The following C1QTNF1 variants were observed in gnomAD, a reference collection of about 807,000 sequenced individuals.
The protein encoded by C1QTNF1 is complement C1q tumor necrosis factor-related protein 1.
In C1QTNF1, 22 loss-of-function variants were observed where a neutral mutation model predicts 27.8. That is an observed-to-expected ratio of 0.79 (90% CI 0.56 to 1.13). C1QTNF1 has a LOEUF of 1.13. Ranked by LOEUF, C1QTNF1 falls within the 50% of genes most tolerant of loss-of-function variation. The pLI, the probability that C1QTNF1 is intolerant of heterozygous loss-of-function variation, is 0.00. For synonymous variants in C1QTNF1, 166 were observed against 154.3 expected, an observed-to-expected ratio of 1.08 and a Z score of -0.56; for missense variants, 373 against 380.2, an observed-to-expected ratio of 0.98 and a Z score of 0.16.
Position 79,046,679 on chromosome 17 carries a change from A to G in C1QTNF1, c.280A>G (p.Ile94Val), listed in dbSNP as rs1406215029. 6.2e-7 allele frequency: 1 copy of G among 1,614,188 alleles called. No individual in the cohort carries two copies. The highest frequency in any genetic ancestry group is 1.7e-5 in the Admixed American group (1 of 60,026). Residue 94 changes from isoleucine to valine, a missense_variant, in exon 3 of 4, where the codon ATC becomes GTC. Coordinates refer to ENST00000579760, the MANE Select transcript of C1QTNF1 (RefSeq NM_030968.5). This position sits in a 1 kb window ranked among gnomAD's most constrained non-coding sequence, Gnocchi z 4.8. ...YPATAVPQINITILKGEKGDR... is the reference protein window; with the variant it reads ...YPATAVPQINVTILKGEKGDR... ...GGCGACCGCCGTGCCCCAGATCAAC[A>G]TCACTATCTTGAAAGGTCAGATGGC...
chr17:79,047,238 C>CTTTTTTTTTTTTT (rs372840829), intron 3 of C1QTNF1: 1 of 261,836 alleles, frequency 3.8e-6, no homozygotes, highest in African/African-American at 2.5e-5. Flanking sequence ...TTTTTCTTTT[C>CTTTTTTTTTTTTT]TTTTTTTTTT....
Position 79,047,984 on chromosome 17 carries a change from G to A in C1QTNF1, c.742G>A (p.Val248Ile), listed in dbSNP as rs1419750691. 1.2e-6 allele frequency: 2 copies of A among 1,613,324 alleles called. No individual in the cohort carries two copies. The highest frequency in any genetic ancestry group is 1.1e-5 in the South Asian group (1 of 91,050). ...GCTGCGAGAGCAGGACCAGGTGTGG[G>A]TACGCCTCTACAAGGGCGAACGTGA... ...LELREQDQVWVRLYKGERENA... is the reference protein window; with the variant it reads ...LELREQDQVWIRLYKGERENA... The change falls in exon 4 of 4, where the codon GTA becomes ATA. Residue 248 changes from valine (V) to isoleucine (I), a missense_variant. By Grantham distance (29) the Val-to-Ile change is conservative. Coordinates refer to ENST00000579760, the MANE Select transcript of C1QTNF1 (RefSeq NM_030968.5).
At chr17:79,028,930 T>A (rs1417010456) in intron 1 of C1QTNF1, among the ~76,000 whole-genome samples, 1 of 151,750 alleles carries the variant, frequency 6.6e-6, no homozygotes, top group Non-Finnish European at 1.5e-5. Flanking sequence ...GCGCGGGTGT[T>A]CCTGGTGATC....
chr17:79,026,864 G>A (rs1207685856), intron 1 of C1QTNF1, among the ~76,000 whole-genome samples: 1 of 152,216 alleles, frequency 6.6e-6, no homozygotes, highest in African/African-American at 2.4e-5. Flanking sequence ...CCTTTTCAGG[G>A]CAACCAGGAC....
chr17:79,030,888 A>G (rs900367994), intron 1 of C1QTNF1, among the ~76,000 whole-genome samples: 3 of 151,968 alleles, frequency 2.0e-5, no homozygotes, highest in South Asian at 2.1e-4. Context: ...GGCGTGAGCT[A>G]CTGTGCCCGG....
chr17:79,027,173 C>T (rs2071991547), intron 1 of C1QTNF1, among the ~76,000 whole-genome samples: 1 of 152,064 alleles, frequency 6.6e-6, no homozygotes, highest in South Asian at 2.1e-4. Flanking sequence ...CAGGTTACAC[C>T]ATCCCCTGGA....
At chr17:79,042,047 G>A (rs1353848883) in intron 1 of C1QTNF1, among the ~76,000 whole-genome samples, 4 of 152,218 alleles carry the variant, frequency 2.6e-5, no homozygotes, top group Non-Finnish European at 5.9e-5. Context: ...AGTCCACGCC[G>A]GCCTGGCAGC....
At chr17:79,033,372 T>C (rs1453399514) in intron 1 of C1QTNF1, among the ~76,000 whole-genome samples, 2 of 151,986 alleles carry the variant, frequency 1.3e-5, no homozygotes, top group African/African-American at 2.4e-5. Flanking sequence ...GGTGGGGACA[T>C]GGAATGGGGC....
At chr17:79,034,837 A>C (rs2072227789) in intron 1 of C1QTNF1, among the ~76,000 whole-genome samples, 1 of 152,164 alleles carries the variant, frequency 6.6e-6, no homozygotes, top group Non-Finnish European at 1.5e-5. Flanking sequence ...GAGAGGAGAT[A>C]GGCTCCAGGA....
At chr17:79,036,449 A>G (rs1242034522) in intron 1 of C1QTNF1, among the ~76,000 whole-genome samples, 3 of 152,234 alleles carry the variant, frequency 2.0e-5, no homozygotes, top group Non-Finnish European at 4.4e-5. Flanking sequence ...TGCTGAGATT[A>G]CAGACATGAA....
At chr17:79,047,165 G>A (rs192314820) in intron 3 of C1QTNF1, 5 of 259,340 alleles carry the variant, frequency 1.9e-5, no homozygotes, top group African/African-American at 4.4e-5. Flanking sequence ...TGCTCAGAGC[G>A]AGCCGTCGGT....
At chr17:79,047,253 T>A (rs1426288444) in intron 3 of C1QTNF1, 99 of 363,678 alleles carry the variant, frequency 2.7e-4, no homozygotes, top group African/African-American at 3.8e-4. Context: ...TTTTTTTTTT[T>A]ACCAGGGCTT....
chr17:79,044,129 G>A lies in C1QTNF1; in HGVS notation c.155+6G>A. The A allele has an allele frequency of 6.3e-7, 1 of 1,597,870 alleles. No individual in the cohort carries two copies. The highest frequency in any genetic ancestry group is 8.5e-7 in the Non-Finnish European group (1 of 1,170,950). On this transcript the variant is annotated splice_donor_region_variant and intron_variant, in intron 2 of 3. Coordinates refer to ENST00000579760, the MANE Select transcript of C1QTNF1 (RefSeq NM_030968.5). ...CCTCCGGACCATGCCGAGAGGTGAG[G>A]GGCCACGAGGGTGTAATAGCAGGAG...
intron 1 of C1QTNF1, among the ~76,000 whole-genome samples, chr17:79,040,895 A>C (rs947198486): frequency 5.7e-5 from 8 of 139,380 alleles, no homozygotes; most frequent in Admixed American, 1.4e-4. Flanking sequence ...AGATCCTGTC[A>C]AAAAAAAAAA....
At chr17:79,023,702 G>GCA (rs1437331174), upstream of C1QTNF1, among the ~76,000 whole-genome samples, 3 of 80,838 alleles carry the variant, frequency 3.7e-5, no homozygotes, top group Admixed American at 1.3e-4. Context: ...ATGCGCGCGC[G>GCA]CGCACACACA....
At chr17:79,040,694 G>A (rs1241462904) in intron 1 of C1QTNF1, among the ~76,000 whole-genome samples, 1 of 130,248 alleles carries the variant, frequency 7.7e-6, no homozygotes, top group Non-Finnish European at 1.5e-5. Context: ...GGGAGTTTGA[G>A]ACCAGCCTGG....
chr17:79,048,341 C>G lies in C1QTNF1; in HGVS notation c.*253C>G. On this transcript the variant is annotated 3_prime_UTR_variant, in exon 4 of 4. Transcript: ENST00000579760. Reference sequence around the variant, plus strand: ...GACCTTCCGCGGCCCTCTCTGCACACATCCTCAAGTGACCCCGCACGGCGA... The same window carrying G: ...GACCTTCCGCGGCCCTCTCTGCACAGATCCTCAAGTGACCCCGCACGGCGA... 1 of 435,586 alleles carries G rather than the reference C, an allele frequency of 2.3e-6. No homozygotes were observed. The allele number at this position is 435,586 out of a possible 1,614,324, so 27.0% of individuals were successfully genotyped here.
Position 79,042,452 on chromosome 17 carries a change from G to C in C1QTNF1, c.-14-1503G>C, listed in dbSNP as rs73408642. 5.0e-3 allele frequency among the ~76,000 whole-genome samples: 762 copies of C among 152,354 alleles called. 4 individuals carry two copies. Among genetic ancestry groups the C allele is most frequent in the African/African-American group, 0.017 (722 of 41,586 alleles). On this transcript the variant is annotated intron_variant, in intron 1 of 3. Transcript: ENST00000579760. The stretch of plus-strand genomic sequence containing the variant: ...TTGCCAAAAGCTCTGGGAGTGAGAC[G>C]TGGGGTTGGCTTCCTGGAAGGATGA...
intron 1 of C1QTNF1, among the ~76,000 whole-genome samples, chr17:79,039,849 G>A (rs114593079): frequency 0.023 from 3,534 of 151,564 alleles, 118 homozygotes; most frequent in African/African-American, 0.081. Context: ...GTAAACATGT[G>A]TATGTGTATA....
Sources: gnomAD v4.1 joint callset for allele counts (sites outside exome capture counted in the v4.1 genomes callset) on GRCh38, gnomAD v4.1.1 for gene constraint, Gnocchi (gnomAD v3.1) non-coding constraint, MANE v1.5 for transcripts, NCBI Gene and HGNC (gene_info 2026-07-23, HGNC 2026-07-21) for gene names.